Variants in LMNB1 observed in about 807,000 individuals in gnomAD.
LMNB1 encodes lamin-B1.
A neutral mutation model predicts 67.1 loss-of-function variants in LMNB1; 23 were observed. That is an observed-to-expected ratio of 0.34 (90% CI 0.25 to 0.49). LMNB1 has a LOEUF of 0.49. LMNB1 is among the 20% of genes least tolerant of loss of function. The probability of loss-of-function intolerance (pLI) is 0.99; values close to 1 mark genes in which losing one functional copy is unlikely to be tolerated. For missense variants in LMNB1, 634 were observed against 746.5 expected (o/e 0.85, Z 1.76); for synonymous variants, 281 against 282.9 (o/e 0.99, Z 0.07).
At chr5:126,806,808 C>T (rs761681653) in intron 3 of LMNB1, among the ~76,000 whole-genome samples, 28 of 152,106 alleles carry the variant, frequency 1.8e-4, no homozygotes, top group African/African-American at 1.2e-4. Context: ...ACACGAGACC[C>T]GCTCTGTCGC....
At chr5:126,833,634 CACTTA>C (rs1368888753) in intron 10 of LMNB1, among the ~76,000 whole-genome samples, 1 of 152,222 alleles carries the variant, frequency 6.6e-6, no homozygotes, top group Non-Finnish European at 1.5e-5. Context: ...ACATATGTTA[CACTTA>C]ACTTACAAGA....
At chr5:126,787,523 G>GGT (rs1314115312) in intron 1 of LMNB1, among the ~76,000 whole-genome samples, 20 of 63,972 alleles carry the variant, frequency 3.1e-4, no homozygotes, top group African/African-American at 5.6e-4. Context: ...TGTGTGTGGG[G>GGT]GTATATATAT....
At chr5:126,791,747 G>A (rs1249095731) in intron 1 of LMNB1, among the ~76,000 whole-genome samples, 1 of 151,334 alleles carries the variant, frequency 6.6e-6, no homozygotes, top group Non-Finnish European at 1.5e-5. Context: ...GATTACAGGT[G>A]TGAACCATCA....
chr5:126,828,921 G>A (rs551478568), intron 9 of LMNB1, among the ~76,000 whole-genome samples: 1 of 152,236 alleles, frequency 6.6e-6, no homozygotes, highest in Admixed American at 6.5e-5. Flanking sequence ...TCTGTTTTAA[G>A]TGAGTTCTGT....
At chr5:126,830,760 TTTTA>T (rs1341689980) in intron 9 of LMNB1, among the ~76,000 whole-genome samples, 1 of 152,198 alleles carries the variant, frequency 6.6e-6, no homozygotes, top group African/African-American at 2.4e-5. Flanking sequence ...TTATAGAAGA[TTTTA>T]TTTGACTCGT....
chr5:126,790,012 T>G (rs1750910385), intron 1 of LMNB1, among the ~76,000 whole-genome samples: 1 of 151,954 alleles, frequency 6.6e-6, no homozygotes, highest in South Asian at 2.1e-4. Context: ...TTCTTCATGT[T>G]AGGCTGGTCT....
At chr5:126,829,181 C>T (rs1040659941) in intron 9 of LMNB1, among the ~76,000 whole-genome samples, 2 of 151,470 alleles carry the variant, frequency 1.3e-5, no homozygotes, top group African/African-American at 4.9e-5. Context: ...GTCAGAAAAC[C>T]CAATTAAACT....
intron 1 of LMNB1, 99 bp downstream of exon 1, chr5:126,777,966 C>A: frequency 9.2e-7 from 1 of 1,088,890 alleles, no homozygotes; most frequent in Non-Finnish European, 1.2e-6. Flanking sequence ...GGAGCAGAGG[C>A]CAGGATGCAC....
rs1752262976 is a variant in LMNB1, at chr5:126,836,957, A to G, written c.*693A>G. The G allele has an allele frequency of 2.5e-6, 1 of 398,246 alleles. No individual in the cohort carries two copies. Among genetic ancestry groups the G allele is most frequent in the South Asian group, 1.3e-4 (1 of 7,860 alleles). The allele number at this position is 398,246 out of a possible 1,614,324, so 24.7% of individuals were successfully genotyped here. ...AAATGCATTCGTTGTGTTTTTTAAG[A>G]TAGTGTAACTTGCTTAAATTTCTTA... On this transcript the variant is annotated 3_prime_UTR_variant, in exon 11 of 11. Transcript: ENST00000261366.
intron 2 of LMNB1, 54 bp downstream of exon 2, chr5:126,804,986 C>A: frequency 7.1e-7 from 1 of 1,413,332 alleles, no homozygotes; most frequent in Non-Finnish European, 9.7e-7. Context: ...GCCTCATCTG[C>A]CTTAAGCCAT....
At chr5:126,801,425 C>G (rs1014037476) in intron 1 of LMNB1, among the ~76,000 whole-genome samples, 1 of 152,124 alleles carries the variant, frequency 6.6e-6, no homozygotes, top group Non-Finnish European at 1.5e-5. Flanking sequence ...TAAATACTCT[C>G]TTCATCCCCT....
At position 126,832,713 on chromosome 5, in the gene LMNB1, C is replaced by T; in HGVS notation, c.1631C>T (p.Thr544Ile). 1.2e-6 allele frequency: 2 copies of T among 1,612,166 alleles called. No individual in the cohort carries two copies. Among genetic ancestry groups the T allele is most frequent in the South Asian group, 1.1e-5 (1 of 91,020 alleles). Reference protein sequence around the residue: ...SQGEEVAQRSTVFKTTIPEEE... With the variant: ...SQGEEVAQRSIVFKTTIPEEE... ...TTTTAGGAGGTTGCTCAAAGAAGTA[C>T]AGTCTTTAAAACAACCATACCTGAA... is the stretch of plus-strand genomic sequence containing the variant. The change falls in exon 10 of 11, where the codon ACA (threonine) becomes ATA (isoleucine). Residue 544 changes from threonine (T) to isoleucine (I), a missense_variant. Transcript: ENST00000261366.
chr5:126,820,991 A>G lies in LMNB1; in HGVS notation c.1242A>G (p.Gly414=). Residue 414 remains glycine, a synonymous_variant, in exon 7 of 11, where the codon GGA becomes GGG. Coordinates refer to ENST00000261366, the MANE Select transcript of LMNB1 (RefSeq NM_005573.4). ...SSSRSVRTTR[G]KRKRVDVEES... The stretch of plus-strand genomic sequence containing the variant: ...GTCGTAGTGTACGTACAACTAGAGG[A>G]AAGCGGAAGAGGGTTGATGTGGAAG... The G allele has an allele frequency of 6.2e-7, 1 of 1,614,018 alleles. No individual in the cohort carries two copies. Among genetic ancestry groups the G allele is most frequent in the Non-Finnish European group, 8.5e-7 (1 of 1,179,892 alleles).
intron 9 of LMNB1, among the ~76,000 whole-genome samples, chr5:126,830,154 G>T (rs1039213562): frequency 2.6e-5 from 4 of 152,192 alleles, no homozygotes; most frequent in Non-Finnish European, 4.4e-5. Context: ...TCCTACTGTG[G>T]CTGATGCCAG....
chr5:126,808,813 A>G (rs1443764187), intron 3 of LMNB1, among the ~76,000 whole-genome samples: 2 of 152,194 alleles, frequency 1.3e-5, no homozygotes. Flanking sequence ...TAATATACAC[A>G]AACAGCAACT....
At chr5:126,795,858 C>T (rs1055915509) in intron 1 of LMNB1, among the ~76,000 whole-genome samples, 1 of 151,276 alleles carries the variant, frequency 6.6e-6, no homozygotes, top group African/African-American at 2.4e-5. Flanking sequence ...AAACTCTTGA[C>T]CTCATGATCC....
At position 126,811,072 on chromosome 5, in the gene LMNB1, T is replaced by C. The variant is rs183270787; in HGVS notation, c.814-701T>C. Reference sequence around the variant, plus strand: ...GGCTTTAAACTGTTCATGTTGCTTTTTATCTATTGTATGAAGTAGCAGTTA... The same window carrying C: ...GGCTTTAAACTGTTCATGTTGCTTTCTATCTATTGTATGAAGTAGCAGTTA... On this transcript the variant is annotated intron_variant, in intron 4 of 10. Transcript: ENST00000261366. Among the ~76,000 whole-genome samples the C allele has an allele frequency of 2.6e-5, 4 of 152,374 alleles. No homozygotes were observed. The East Asian group carries it at 7.7e-4, about 29-fold the overall frequency.
At chr5:126,800,980 TAA>T (rs1491276839) in intron 1 of LMNB1, among the ~76,000 whole-genome samples, 3,456 of 68,120 alleles carry the variant, frequency 0.051, 210 homozygotes, top group Non-Finnish European at 0.062. Flanking sequence ...TATATATATA[TAA>T]TTTTTTTTTT....
intron 1 of LMNB1, among the ~76,000 whole-genome samples, chr5:126,804,346 G>A (rs1448484972): frequency 2.1e-5 from 3 of 140,994 alleles, no homozygotes; most frequent in African/African-American, 7.8e-5. Context: ...TCAAAGTGAT[G>A]TGATTACAGA....
Sources: allele counts gnomAD v4.1 joint callset (sites outside exome capture counted in the v4.1 genomes callset), GRCh38; gene constraint gnomAD v4.1.1; transcripts MANE v1.5; gene names NCBI Gene and HGNC (gene_info 2026-07-23, HGNC 2026-07-21).